The following ZNF649 variants were observed in gnomAD, a reference collection of about 807,000 sequenced individuals.
ZNF649 encodes zinc finger protein 649.
A neutral mutation model predicts 14.1 loss-of-function variants in ZNF649; 7 were observed. The observed-to-expected ratio is 0.49, with a 90% CI of 0.28 to 0.93. ZNF649 has a LOEUF of 0.93. ZNF649 is among the 40% of genes least tolerant of loss of function. The probability of loss-of-function intolerance (pLI) is 0.10; values close to 1 mark genes in which losing one functional copy is unlikely to be tolerated. For synonymous variants in ZNF649, 227 were observed against 212.3 expected (o/e 1.07, Z -0.60); for missense variants, 544 against 608.1 (o/e 0.89, Z 1.11).
rs542898238 is a variant in ZNF649, at chr19:51,890,324, G to A, written c.*294C>T. The stretch of plus-strand genomic sequence containing the variant: ...AGAGATACAATCTAAACTACAAAGA[G>A]AACAAAAGCTAACCCCTACCTTGGC... On this transcript the variant is annotated 3_prime_UTR_variant, in exon 5 of 5. Coordinates refer to ENST00000354957, the MANE Select transcript of ZNF649 (RefSeq NM_023074.4). 1 of 312,580 alleles carries A rather than the reference G, an allele frequency of 3.2e-6. No homozygotes were observed. The highest frequency in any genetic ancestry group is 5.9e-6 in the Non-Finnish European group (1 of 170,312). The allele number at this position is 312,580 out of a possible 1,614,324, so 19.4% of individuals were successfully genotyped here. A position where few individuals can be genotyped will look rare whatever the true frequency, so the allele number is the denominator to read the frequency against.
At chr19:51,895,773 A>G (rs529422782) in intron 4 of ZNF649, among the ~76,000 whole-genome samples, 1 of 152,060 alleles carries the variant, frequency 6.6e-6, no homozygotes, top group South Asian at 2.1e-4. Context: ...ATATAAATGT[A>G]TATACACACA....
intron 1 of ZNF649, among the ~76,000 whole-genome samples, chr19:51,900,951 C>A (rs1395393820): frequency 1.3e-5 from 2 of 152,182 alleles, no homozygotes; most frequent in Non-Finnish European, 2.9e-5. Flanking sequence ...TTCATGGCAA[C>A]CACTTATTAC....
intron 4 of ZNF649, among the ~76,000 whole-genome samples, chr19:51,892,693 A>G (rs1346689462): frequency 6.6e-6 from 1 of 152,168 alleles, no homozygotes; most frequent in Non-Finnish European, 1.5e-5. Context: ...TCTGTAGACC[A>G]TCATCACGCT....
chr19:51,904,027 CAT>C (rs2085109257), intron 1 of ZNF649: 1 of 152,886 alleles, frequency 6.5e-6, no homozygotes, highest in South Asian at 2.1e-4. Context: ...CGGCCATACT[CAT>C]AGACTGCTGA....
rs570867491 is a variant in ZNF649, at chr19:51,889,714, A to G, written c.*904T>C. On this transcript the variant is annotated 3_prime_UTR_variant, in exon 5 of 5. Coordinates refer to ENST00000354957, the MANE Select transcript of ZNF649 (RefSeq NM_023074.4). ...CCCTCACAATGATGTATGCTATAAA[A>G]TCTCAAGGAATCAAATGACAAGGAT... 24 of 152,354 alleles carry G rather than the reference A, an allele frequency of 1.6e-4. No homozygotes were observed. The highest frequency in any genetic ancestry group is 5.5e-4 in the African/African-American group (23 of 41,580). 9.4% of individuals were successfully genotyped at this position (152,354 alleles called of 1,614,324 possible). A position where few individuals can be genotyped will look rare whatever the true frequency, so the allele number is the denominator to read the frequency against.
chr19:51,892,216 A>C (rs1278895194), intron 4 of ZNF649, among the ~76,000 whole-genome samples: 1 of 151,956 alleles, frequency 6.6e-6, no homozygotes, highest in Admixed American at 6.6e-5. Flanking sequence ...TCTACTAAAA[A>C]TACAAAAAAA....
At chr19:51,898,100 A>C (rs903642271) in intron 2 of ZNF649, among the ~76,000 whole-genome samples, 3 of 151,630 alleles carry the variant, frequency 2.0e-5, no homozygotes, top group Non-Finnish European at 4.4e-5. Context: ...TGTCTCAAAA[A>C]AAAAAAAAAA....
At position 51,891,756 on chromosome 19, in the gene ZNF649, T is replaced by C; in HGVS notation, c.380A>G (p.Lys127Arg). 1 of 1,613,854 alleles carries C rather than the reference T, an allele frequency of 6.2e-7. No homozygotes were observed. Among genetic ancestry groups the C allele is most frequent in the Non-Finnish European group, 8.5e-7 (1 of 1,179,990 alleles). ...ATCTCCATTAAACTCAGCAGGCTCC[T>C]TTCTGTTGTATCTTCTGCTCTGGTT... is the stretch of plus-strand genomic sequence containing the variant. ...LTNQSRRYNR[K>R]EPAEFNGDGA... is the part of the protein sequence containing the mutation. The change falls in exon 5 of 5, where the codon AAG becomes AGG. Residue 127 changes from lysine to arginine, a missense_variant. Lys to Arg is a conservative substitution (Grantham distance 26). Coordinates refer to ENST00000354957, the MANE Select transcript of ZNF649 (RefSeq NM_023074.4). The surrounding 1 kb of genome is among the most constrained non-coding windows in gnomAD (Gnocchi z 4.2).
At position 51,889,679 on chromosome 19, in the gene ZNF649, A is replaced by C. The variant is rs2085003702; in HGVS notation, c.*939T>G. On this transcript the variant is annotated 3_prime_UTR_variant, in exon 5 of 5. Transcript: ENST00000354957. The stretch of plus-strand genomic sequence containing the variant: ...AACATGTAAATTTGGAGAGGACATA[A>C]ATATGCAATCCCTCACAATGATGTA... 6.6e-6 allele frequency: 1 copy of C among 152,232 alleles called. No homozygotes were observed. The highest frequency in any genetic ancestry group is 2.4e-5 in the African/African-American group (1 of 41,456). 9.4% of individuals were successfully genotyped at this position (152,232 alleles called of 1,614,324 possible).
intron 1 of ZNF649, among the ~76,000 whole-genome samples, chr19:51,903,906 T>A (rs1345412848): frequency 1.3e-5 from 2 of 152,156 alleles, no homozygotes; most frequent in African/African-American, 4.8e-5. Context: ...ACTCCATACT[T>A]CTATATTTGA....
At chr19:51,896,342 T>G in intron 4 of ZNF649, 130 bp downstream of exon 4, 1 of 739,724 alleles carries the variant, frequency 1.4e-6, no homozygotes, top group Non-Finnish European at 2.3e-6. Context: ...AGCTCTTGTA[T>G]CCTAGGGGAG....
chr19:51,902,065 C>T (rs989914557), intron 1 of ZNF649, among the ~76,000 whole-genome samples: 2 of 151,936 alleles, frequency 1.3e-5, no homozygotes, highest in African/African-American at 2.4e-5. Context: ...GTGAGGGCAC[C>T]GCATTCTTCA....
At chr19:51,892,936 G>GT (rs1486310617) in intron 4 of ZNF649, among the ~76,000 whole-genome samples, 1 of 152,002 alleles carries the variant, frequency 6.6e-6, no homozygotes, top group African/African-American at 2.4e-5. Flanking sequence ...GTTTTGTTTT[G>GT]TTTCTTTTTC....
Position 51,890,306 on chromosome 19 carries a change from C to T in ZNF649, c.*312G>A, listed in dbSNP as rs1447499766. ...GTGAACTTGAACAAGGCAAGAGATACAATCTAAACTACAAAGAGAACAAAA... is the reference window on the plus strand; with the variant it reads ...GTGAACTTGAACAAGGCAAGAGATATAATCTAAACTACAAAGAGAACAAAA... On this transcript the variant is annotated 3_prime_UTR_variant, in exon 5 of 5. Transcript: ENST00000354957. The T allele has an allele frequency of 3.1e-5, 8 of 256,202 alleles. No homozygotes were observed. The highest frequency in any genetic ancestry group is 9.7e-5 in the Admixed American group (2 of 20,656). 15.9% of individuals were successfully genotyped at this position (256,202 alleles called of 1,614,324 possible).
At chr19:51,901,684 G>T (rs952421353) in intron 1 of ZNF649, among the ~76,000 whole-genome samples, 1 of 152,034 alleles carries the variant, frequency 6.6e-6, no homozygotes, top group Non-Finnish European at 1.5e-5. Flanking sequence ...GGCCGAGCGT[G>T]TTGGCTCACA....
chr19:51,903,337 A>G (rs1400324079), intron 1 of ZNF649, among the ~76,000 whole-genome samples: 1 of 151,690 alleles, frequency 6.6e-6, no homozygotes, highest in Non-Finnish European at 1.5e-5. Context: ...AAAATTTCCA[A>G]CCCTCAAATG....
At chr19:51,896,143 T>C in intron 4 of ZNF649, 1 of 240,322 alleles carries the variant, frequency 4.2e-6, no homozygotes, top group South Asian at 5.6e-5. Context: ...AAAAAACAGT[T>C]TGTCGTTTTT....
chr19:51,890,862 G>C lies in ZNF649; in HGVS notation c.1274C>G (p.Thr425Arg). The C allele has an allele frequency of 6.2e-7, 1 of 1,614,222 alleles. No individual in the cohort carries two copies. The change falls in exon 5 of 5, where the codon ACG (threonine) becomes AGG (arginine). Residue 425 changes from threonine (T) to arginine (R), a missense_variant. Physicochemically the swap from Thr to Arg is moderately conservative, Grantham distance 71. Transcript: ENST00000354957. ...TMLIVHHRTHTGERPYGCDEC... is the reference protein window; with the variant it reads ...TMLIVHHRTHRGERPYGCDEC... ...ATCACAGCCATAGGGTCTCTCTCCCGTGTGAGTTCTGTGATGTACAATGAG... is the reference window on the plus strand; with the variant it reads ...ATCACAGCCATAGGGTCTCTCTCCCCTGTGAGTTCTGTGATGTACAATGAG...
Position 51,889,910 on chromosome 19 carries a change from C to G in ZNF649, c.*708G>C, listed in dbSNP as rs2085006788. ...CATCAATACATTGAACGTAAATGAT[C>G]TAAATACCCCAGTAAAAAGACAGAG... is the stretch of plus-strand genomic sequence containing the variant. On this transcript the variant is annotated 3_prime_UTR_variant, in exon 5 of 5. Transcript: ENST00000354957. The G allele has an allele frequency of 6.6e-6, 1 of 152,140 alleles. No individual in the cohort carries two copies. Among genetic ancestry groups the G allele is most frequent in the African/African-American group, 2.4e-5 (1 of 41,420 alleles). The allele number at this position is 152,140 out of a possible 1,614,324, so 9.4% of individuals were successfully genotyped here.
Sources: gnomAD v4.1 joint callset for allele counts (sites outside exome capture counted in the v4.1 genomes callset) on GRCh38, gnomAD v4.1.1 for gene constraint, Gnocchi (gnomAD v3.1) non-coding constraint, MANE v1.5 for transcripts, NCBI Gene and HGNC (gene_info 2026-07-23, HGNC 2026-07-21) for gene names.